The following NAV3 variants were observed in gnomAD, a reference collection of about 807,000 sequenced individuals.
The protein encoded by NAV3 is pore membrane and/or filament interacting like protein 1.
NAV3 carries 87 observed loss-of-function variants against 244.7 expected under a neutral mutation model. The ratio of observed to expected loss-of-function variants is 0.36; its 90% CI spans 0.30 to 0.42. The LOEUF is 0.42. NAV3 is among the 20% of genes least tolerant of loss of function. NAV3 has a pLI of 1.00. For missense variants in NAV3, 2,663 were observed against 2,893.3 expected (o/e 0.92, Z 1.83); for synonymous variants, 1,126 against 1,042.2 (o/e 1.08, Z -1.55).
chr12:77,927,554 G>A (rs1888340655), intron 1 of NAV3, among the ~76,000 whole-genome samples: 3 of 152,154 alleles, frequency 2.0e-5, no homozygotes, highest in Admixed American at 1.3e-4. Flanking sequence ...AGGATTGAAT[G>A]AGTTAAACTA....
intron 24 of NAV3, among the ~76,000 whole-genome samples, chr12:78,169,075 C>G (rs935582992): frequency 3.3e-5 from 5 of 151,654 alleles, no homozygotes; most frequent in African/African-American, 1.2e-4. Context: ...AGAACAGTGA[C>G]TTCCATTATC....
intron 2 of NAV3, among the ~76,000 whole-genome samples, chr12:77,679,498 G>A (rs1034636185): frequency 2.0e-5 from 3 of 151,974 alleles, no homozygotes; most frequent in Non-Finnish European, 4.4e-5. Context: ...TTGTAGCAGG[G>A]GTACATACAT....
At chr12:78,196,033 A>G (rs1177660813) in intron 34 of NAV3, among the ~76,000 whole-genome samples, 3 of 152,068 alleles carry the variant, frequency 2.0e-5, no homozygotes, top group Non-Finnish European at 2.9e-5. Flanking sequence ...GTCTAAGGCT[A>G]TGAACGCAGT....
chr12:78,037,465 C>A, intron 9 of NAV3: 1 of 606,228 alleles, frequency 1.6e-6, no homozygotes, highest in Non-Finnish European at 3.0e-6. Context: ...TTTGCATTTG[C>A]CAAATAGCTT....
chr12:77,989,351 G>C (rs1871076219), intron 5 of NAV3, among the ~76,000 whole-genome samples: 1 of 152,162 alleles, frequency 6.6e-6, no homozygotes, highest in Non-Finnish European at 1.5e-5. Context: ...CGTGTGTACA[G>C]TGCCTTTACC....
intron 22 of NAV3, 122 bp from the exon 23 acceptor site, chr12:78,159,081 G>C (rs1957419430): frequency 1.9e-5 from 12 of 644,998 alleles, no homozygotes; most frequent in Non-Finnish European, 3.1e-5. Context: ...AGCTAACTAT[G>C]ATAGTCATAG....
intron 8 of NAV3, among the ~76,000 whole-genome samples, chr12:78,012,885 T>G (rs1297769232): frequency 6.6e-6 from 1 of 152,124 alleles, no homozygotes; most frequent in Non-Finnish European, 1.5e-5. Flanking sequence ...GAGTCTTGTC[T>G]TTCTCATTTA....
At chr12:77,860,157 C>T (rs11613489) in intron 1 of NAV3, among the ~76,000 whole-genome samples, 69,048 of 151,484 alleles carry the variant, frequency 0.46, 16,229 homozygotes, top group East Asian at 0.56. Flanking sequence ...TGTATGTGTG[C>T]ACATATGCAC....
chr12:78,018,250 T>G (rs1185874311), intron 8 of NAV3, among the ~76,000 whole-genome samples: 1 of 152,144 alleles, frequency 6.6e-6, no homozygotes, highest in Non-Finnish European at 1.5e-5. Context: ...ACAAAAATTT[T>G]AAAAAGGCTT....
chr12:77,988,077 CTG>C (rs897949881), intron 5 of NAV3, among the ~76,000 whole-genome samples: 23 of 152,146 alleles, frequency 1.5e-4, no homozygotes, highest in African/African-American at 5.1e-4. Context: ...ACTTTAGAAA[CTG>C]TGAGTATTCT....
chr12:77,976,340 G>T (rs1177038842), intron 5 of NAV3, among the ~76,000 whole-genome samples: 3 of 152,156 alleles, frequency 2.0e-5, no homozygotes, highest in African/African-American at 7.2e-5. Flanking sequence ...GGCTAGACAT[G>T]ATTAAGTCAC....
chr12:78,034,154 CT>C (rs1405279799), intron 9 of NAV3, among the ~76,000 whole-genome samples: 2 of 152,174 alleles, frequency 1.3e-5, no homozygotes, highest in African/African-American at 2.4e-5. Flanking sequence ...ATGCAGAATT[CT>C]TTTTTGCATG....
At chr12:77,718,689 C>G (rs1318596230) in intron 2 of NAV3, among the ~76,000 whole-genome samples, 1 of 151,566 alleles carries the variant, frequency 6.6e-6, no homozygotes, top group Non-Finnish European at 1.5e-5. Flanking sequence ...CAGAGTTTTG[C>G]TTTTGGTGCC....
At chr12:77,898,489 TA>T (rs1884889593) in intron 1 of NAV3, among the ~76,000 whole-genome samples, 1 of 152,150 alleles carries the variant, frequency 6.6e-6, no homozygotes, top group African/African-American at 2.4e-5. Flanking sequence ...TTTAAGTAAA[TA>T]ATTGAAAGAA....
chr12:78,166,904 C>A (rs578147398), intron 23 of NAV3, among the ~76,000 whole-genome samples: 1 of 151,738 alleles, frequency 6.6e-6, no homozygotes, highest in African/African-American at 2.4e-5. Context: ...AGATTTTAAT[C>A]CGTAGTACAA....
At chr12:77,687,129 C>T (rs961870551) in intron 2 of NAV3, among the ~76,000 whole-genome samples, 5 of 152,114 alleles carry the variant, frequency 3.3e-5, no homozygotes, top group African/African-American at 1.2e-4. Flanking sequence ...TTTCTAATGT[C>T]TTATCCCTGG....
At chr12:78,081,780 C>G (rs1228609507) in intron 12 of NAV3, among the ~76,000 whole-genome samples, 2 of 152,178 alleles carry the variant, frequency 1.3e-5, no homozygotes, top group East Asian at 3.9e-4. Flanking sequence ...GCCTTCCACA[C>G]TCAAGTGCCC....
chr12:77,812,127 A>C (rs1356336463), intron 2 of NAV3, among the ~76,000 whole-genome samples: 2 of 152,196 alleles, frequency 1.3e-5, no homozygotes, highest in African/African-American at 4.8e-5. Context: ...ACTTTGAAAC[A>C]ACAGCCCATA....
chr12:78,138,225 TAAG>T (rs1321392536), intron 19 of NAV3, among the ~76,000 whole-genome samples: 1 of 152,152 alleles, frequency 6.6e-6, no homozygotes, highest in Admixed American at 6.6e-5. Flanking sequence ...TACCAGAGTT[TAAG>T]TCTTCAGCCA....
Sources: allele counts gnomAD v4.1 joint callset (sites outside exome capture counted in the v4.1 genomes callset), GRCh38; gene constraint gnomAD v4.1.1; transcripts MANE v1.5; gene names NCBI Gene and HGNC (gene_info 2026-07-23, HGNC 2026-07-21).